Variants in TAOK3 observed in about 807,000 individuals in gnomAD.
TAOK3 encodes TAO kinase 3.
Under a neutral mutation model 120.4 loss-of-function variants are expected in TAOK3, and 40 were observed. The ratio of observed to expected loss-of-function variants is 0.33; its 90% confidence interval spans 0.26 to 0.43. The LOEUF (loss-of-function observed/expected upper bound fraction) is 0.43. Among genes scored for constraint, TAOK3 ranks in the 20% least tolerant of loss-of-function variants. The probability of loss-of-function intolerance (pLI) is 1.00; values close to 1 mark genes in which losing one functional copy is unlikely to be tolerated. For missense variants in TAOK3, 821 were observed against 1,112.1 expected (o/e 0.74, Z 3.72); for synonymous variants, 355 against 387.5 (o/e 0.92, Z 0.99).
At chr12:118,322,894 T>C (rs1566117054) in intron 1 of TAOK3, among the ~76,000 whole-genome samples, 1 of 151,878 alleles carries the variant, frequency 6.6e-6, no homozygotes, top group Non-Finnish European at 1.5e-5. Flanking sequence ...GTATTTTCAA[T>C]AGAGACGGGG....
rs760891640 is a variant in TAOK3, at chr12:118,181,567, A to G, written c.1370T>C (p.Leu457Ser). The change falls in exon 15 of 21, where the codon TTG (leucine) becomes TCG (serine). Residue 457 changes from leucine to serine, a missense_variant. Physicochemically the swap from Leu to Ser is moderately radical, Grantham distance 145 (BLOSUM62 -2). This residue lies in a region of TAOK3 where 354 missense variants were observed against 572.1 expected (regional missense o/e 0.62). Coordinates refer to ENST00000392533, the MANE Select transcript of TAOK3 (RefSeq NM_016281.4). ...CTTATAACCTGACATCTGTTCCCGCAACTCGTTCTCCTGCTCATGCTCATG... is the reference window on the plus strand; with the variant it reads ...CTTATAACCTGACATCTGTTCCCGCGACTCGTTCTCCTGCTCATGCTCATG... ...QIHEHEQENELREQMSGYKRM... is the reference protein window; with the variant it reads ...QIHEHEQENESREQMSGYKRM... 3 of 1,614,168 alleles carry G rather than the reference A, an allele frequency of 1.9e-6. No individual in the cohort carries two copies. The highest frequency in any genetic ancestry group is 2.5e-6 in the Non-Finnish European group (3 of 1,180,036).
intron 1 of TAOK3, among the ~76,000 whole-genome samples, chr12:118,289,633 AG>A (rs2042399465): frequency 6.6e-6 from 1 of 152,212 alleles, no homozygotes; most frequent in Non-Finnish European, 1.5e-5. Flanking sequence ...AGTAATTACA[AG>A]TACTTCCCTG....
rs924631411 is a variant in TAOK3 at position 118,313,602 on chromosome 12, C to G, written c.-193-46843G>C. Among the ~76,000 whole-genome samples, 5 of 152,180 alleles carry G rather than the reference C, an allele frequency of 3.3e-5. No homozygotes were observed. In the East Asian group the frequency reaches 9.6e-4, roughly 29 times the overall value. ...GAAAGGCTGTTTCTTATAACTTCAACTAAGACTGGGACCCTCTAATATTTA... is the reference window on the plus strand; with the variant it reads ...GAAAGGCTGTTTCTTATAACTTCAAGTAAGACTGGGACCCTCTAATATTTA... On this transcript the variant is annotated intron_variant, in intron 1 of 20. Transcript: ENST00000392533.
chr12:118,277,737 G>T (rs1445558611), intron 1 of TAOK3, among the ~76,000 whole-genome samples: 1 of 151,968 alleles, frequency 6.6e-6, no homozygotes, highest in African/African-American at 2.4e-5. Flanking sequence ...GGGATTACAG[G>T]CATGAGCCAC....
chr12:118,231,259 G>A (rs1352836146), intron 9 of TAOK3, among the ~76,000 whole-genome samples: 3 of 152,000 alleles, frequency 2.0e-5, no homozygotes, highest in Non-Finnish European at 4.4e-5. Context: ...GATAGGGCAG[G>A]GGTGGAAGAA....
In TAOK3 at chr12:118,201,472, GGGA is replaced by G. The variant is rs757524826; in HGVS notation, c.820-12_820-10del. On this transcript the variant is annotated splice_polypyrimidine_tract_variant and intron_variant, in intron 11 of 20. Transcript: ENST00000392533. Reference sequence around the variant, plus strand: ...CGTCGAACAAAGTCATGCTGATTGAGGGAGGAGGAAAAAATAAACTGATAATGA... The same window carrying G: ...CGTCGAACAAAGTCATGCTGATTGAGGGAGGAAAAAATAAACTGATAATGA... The G allele has an allele frequency of 5.0e-6, 8 of 1,596,224 alleles. No homozygotes were observed. The South Asian group carries it at 9.0e-5, about 18-fold the overall frequency.
chr12:118,163,088 T>C (rs2035327661), intron 17 of TAOK3, among the ~76,000 whole-genome samples: 1 of 152,180 alleles, frequency 6.6e-6, no homozygotes, highest in Non-Finnish European at 1.5e-5. Flanking sequence ...TTTTCTCTAC[T>C]CGGAATTTGG....
chr12:118,151,202 A>G, intron 20 of TAOK3, 44 bp from the exon 21 acceptor site: 1 of 1,599,816 alleles, frequency 6.3e-7, no homozygotes, highest in Non-Finnish European at 8.5e-7. Flanking sequence ...GCATCTCCTA[A>G]CAGGCACCCA....
In TAOK3 at chr12:118,152,372, G is replaced by C. The variant is rs779153322; in HGVS notation, c.2390C>G (p.Ala797Gly). Residue 797 changes from alanine to glycine, a missense_variant, in exon 20 of 21, where the codon GCC (alanine) becomes GGC (glycine). By Grantham distance (60) the Ala-to-Gly change is moderately conservative. Transcript: ENST00000392533. ...LDEAQEAECQ[A>G]LRLQLQQEME... ...TTCCTGCTGGAGCTGTAGCCTCAAG[G>C]CCTGGCATTCTGCTTCTTGAGCCTC... 1.9e-6 allele frequency: 3 copies of C among 1,613,718 alleles called. No homozygotes were observed. Among genetic ancestry groups the C allele is most frequent in the Non-Finnish European group, 2.5e-6 (3 of 1,179,980 alleles).
intron 1 of TAOK3, among the ~76,000 whole-genome samples, chr12:118,299,554 G>A (rs753717601): frequency 2.6e-5 from 4 of 152,118 alleles, no homozygotes; most frequent in Non-Finnish European, 5.9e-5. Context: ...TTGTCACCCA[G>A]GATGGAGTGC....
In TAOK3 at chr12:118,151,120, G is replaced by A. The variant is rs539247810; in HGVS notation, c.2574C>T (p.Ser858=). 3.8e-4 allele frequency: 615 copies of A among 1,613,026 alleles called. 7 individuals carry two copies. The South Asian group carries it at 6.0e-3, about 16-fold the overall frequency. Reference sequence around the variant, plus strand: ...TTTCCAATAGGTTCTTTATTCTCTCGCTGCGTTCCTTCTGAAGGGCAGCCA... The same window carrying A: ...TTTCCAATAGGTTCTTTATTCTCTCACTGCGTTCCTTCTGAAGGGCAGCCA... The part of the protein sequence containing the change: ...EELAALQKER[S]ERIKNLLERQ... The change falls in exon 21 of 21, where the codon AGC becomes AGT. Residue 858 remains serine (S), a synonymous_variant. Transcript: ENST00000392533.
chr12:118,244,527 C>CTTTTTTTTTTT lies in TAOK3; in HGVS notation c.192+366_192+367insAAAAAAAAAAA, dbSNP rs377072006. 1.5e-5 allele frequency among the ~76,000 whole-genome samples: 2 copies of CTTTTTTTTTTT among 129,556 alleles called. 1 individual carries two copies. 85.0% of individuals were successfully genotyped at this position (129,556 alleles called of 152,430 possible). On this transcript the variant is annotated intron_variant, in intron 4 of 20. Coordinates refer to ENST00000392533, the MANE Select transcript of TAOK3 (RefSeq NM_016281.4). ...AAAGAATTTTGTTAATTTCTTTTTT[C>CTTTTTTTTTTT]TTTTTCTTTTTTTTTTTTTGAGACA...
At chr12:118,162,293 C>G (rs1484027551) in intron 17 of TAOK3, among the ~76,000 whole-genome samples, 1 of 151,292 alleles carries the variant, frequency 6.6e-6, no homozygotes, top group Non-Finnish European at 1.5e-5. Context: ...TTCTACCTGA[C>G]TCTCTCTTAC....
chr12:118,368,060 T>TATTTCCCAAA (rs1409380587), intron 1 of TAOK3, among the ~76,000 whole-genome samples: 1 of 152,184 alleles, frequency 6.6e-6, no homozygotes, highest in Non-Finnish European at 1.5e-5. Context: ...TAAAATGTGT[T>TATTTCCCAAA]ATTGTATATA....
chr12:118,207,808 C>T (rs1004594578), intron 11 of TAOK3, among the ~76,000 whole-genome samples: 3 of 151,318 alleles, frequency 2.0e-5, no homozygotes, highest in Non-Finnish European at 4.4e-5. Context: ...TGCAGTGAGA[C>T]GAGATCGCGC....
intron 19 of TAOK3, among the ~76,000 whole-genome samples, chr12:118,155,686 T>C (rs927224507): frequency 2.6e-5 from 4 of 152,282 alleles, no homozygotes; most frequent in Admixed American, 2.6e-4. Flanking sequence ...TTTCTCTCCT[T>C]TTATTCAAGG....
chr12:118,294,536 A>G lies in TAOK3; in HGVS notation c.-193-27777T>C, dbSNP rs558461674. On this transcript the variant is annotated intron_variant, in intron 1 of 20. Coordinates refer to ENST00000392533, the MANE Select transcript of TAOK3 (RefSeq NM_016281.4). The stretch of plus-strand genomic sequence containing the variant: ...GTTGCTCGGACTACAGGTGTGCACC[A>G]CCATGCCCAGCTAATTTTTGTATTT... Among the ~76,000 whole-genome samples the G allele has an allele frequency of 3.3e-5, 5 of 152,098 alleles. No individual in the cohort carries two copies. In the East Asian group the frequency reaches 9.7e-4, roughly 29 times the overall value.
chr12:118,210,832 G>A (rs925504885), intron 11 of TAOK3, among the ~76,000 whole-genome samples: 6 of 149,686 alleles, frequency 4.0e-5, no homozygotes, highest in Non-Finnish European at 5.9e-5. Context: ...TCCGCCTTCC[G>A]GCTTCAAGTG....
intron 1 of TAOK3, among the ~76,000 whole-genome samples, chr12:118,324,031 G>A (rs933012210): frequency 6.6e-6 from 1 of 152,130 alleles, no homozygotes; most frequent in Admixed American, 6.5e-5. Flanking sequence ...GAATAATACA[G>A]TCATAATAAT....
Sources: allele counts gnomAD v4.1 joint callset (sites outside exome capture counted in the v4.1 genomes callset), GRCh38; gene constraint gnomAD v4.1.1; regional missense constraint gnomAD v4.1.1; transcripts MANE v1.5; gene names NCBI Gene and HGNC (gene_info 2026-07-23, HGNC 2026-07-21).